Variants in EXOSC10 observed in about 807,000 individuals in gnomAD.
The protein encoded by EXOSC10 is exosome component 10.
Under a neutral mutation model 126.6 loss-of-function variants are expected in EXOSC10, and 94 were observed. The ratio of observed to expected loss-of-function variants is 0.74; its 90% CI spans 0.63 to 0.88. The LOEUF is 0.88. EXOSC10 is among the 40% of genes least tolerant of loss of function. EXOSC10 has a pLI of 0.00. For missense variants in EXOSC10, 1,041 were observed against 1,100.5 expected, an observed-to-expected ratio of 0.95 and a Z score of 0.77; for synonymous variants, 395 against 400.8, an observed-to-expected ratio of 0.99 and a Z score of 0.17.
At chr1:11,088,001 C>G in intron 7 of EXOSC10, 91 bp from the exon 8 acceptor site, 3 of 1,240,602 alleles carry the variant, frequency 2.4e-6, no homozygotes, top group Non-Finnish European at 3.5e-6. Flanking sequence ...AGAAATGACC[C>G]AAAACTGTAA....
At chr1:11,072,534 A>C in intron 19 of EXOSC10, 1 of 185,192 alleles carries the variant, frequency 5.4e-6, no homozygotes, top group East Asian at 1.5e-4. Context: ...AAGCAGACTC[A>C]AGGCTGGGCT....
chr1:11,090,888 CTGGGCTCCCTTTGAACAAAGGAGGG>C (rs537016854), intron 5 of EXOSC10, 101 bp downstream of exon 5: 43,288 of 1,119,078 alleles, frequency 0.039, 856 homozygotes, highest in Non-Finnish European at 0.048. Context: ...AATAGCTGAA[CTGGGCTCCCTTTGAACAAAGGAGGG>C]TGGGCTCCCT....
At position 11,085,265 on chromosome 1, in the gene EXOSC10, G is replaced by C. The variant is rs558856688; in HGVS notation, c.1089+2183C>G. 9.0e-3 allele frequency among the ~76,000 whole-genome samples: 1,370 copies of C among 152,268 alleles called. 28 individuals carry two copies. Among genetic ancestry groups the C allele is most frequent in the African/African-American group, 0.031 (1,277 of 41,546 alleles). ...TTGATTCTTCCTACCCATGAGCATG[G>C]AATGTTCTTCCATTTGTTTGTATCC... On this transcript the variant is annotated intron_variant, in intron 9 of 24. Transcript: ENST00000376936.
In EXOSC10 at chr1:11,066,670, A is replaced by C; in HGVS notation, c.*48T>G. On this transcript the variant is annotated 3_prime_UTR_variant, in exon 25 of 25. Coordinates refer to ENST00000376936, the MANE Select transcript of EXOSC10 (RefSeq NM_001001998.3). ...AAAAATATGTATGTACAAAAGCAGC[A>C]CCAGCATTTGGTGCTTCCGGTCCAC... 6.2e-7 allele frequency: 1 copy of C among 1,604,136 alleles called. No homozygotes were observed. The highest frequency in any genetic ancestry group is 8.5e-7 in the Non-Finnish European group (1 of 1,170,804).
In EXOSC10 at chr1:11,069,691, C is replaced by T. The variant is rs952090050; in HGVS notation, c.2356G>A (p.Asp786Asn). Reference sequence around the variant, plus strand: ...TGTTTCTGTTCTGTGGTCCTTGGGTCGCTTGTTGCTCGCTCTCTCTTCTTT... The same window carrying T: ...TGTTTCTGTTCTGTGGTCCTTGGGTTGCTTGTTGCTCGCTCTCTCTTCTTT... ...AAKKRERATS[D>N]PRTTEQKQEK... The change falls in exon 22 of 25, where the codon GAC becomes AAC. Residue 786 changes from aspartate (D) to asparagine (N), a missense_variant. Transcript: ENST00000376936. 10 of 1,611,708 alleles carry T rather than the reference C, an allele frequency of 6.2e-6. No homozygotes were observed. The highest frequency in any genetic ancestry group is 2.2e-5 in the East Asian group (1 of 44,768).
rs112296692 is a variant in EXOSC10, at chr1:11,089,257, T to C, written c.759-1059A>G. On this transcript the variant is annotated intron_variant, in intron 6 of 24. Transcript: ENST00000376936. ...AAAAAAAAAAAAAGTGAGCCTTACC[T>C]ACTATTTGAATCCTAATAAGAAAGG... 9.9e-3 allele frequency among the ~76,000 whole-genome samples: 1,449 copies of C among 145,724 alleles called. 32 individuals are homozygous for C. The highest frequency in any genetic ancestry group is 0.035 in the African/African-American group (1,402 of 39,598).
At chr1:11,079,403 T>C (rs903401072) in intron 14 of EXOSC10, among the ~76,000 whole-genome samples, 3 of 149,416 alleles carry the variant, frequency 2.0e-5, no homozygotes, top group Admixed American at 1.3e-4. Flanking sequence ...AATCTTTTTT[T>C]TTTTTTTTGA....
chr1:11,071,319 C>A (rs181584903), intron 20 of EXOSC10: 16 of 290,974 alleles, frequency 5.5e-5, no homozygotes, highest in Admixed American at 4.3e-4. Context: ...TGGCTGCCAG[C>A]AACTCCAGCT....
At chr1:11,085,217 A>G (rs1046330339) in intron 9 of EXOSC10, among the ~76,000 whole-genome samples, 8 of 152,096 alleles carry the variant, frequency 5.3e-5, no homozygotes, top group African/African-American at 1.4e-4. Context: ...ATTACCTTGG[A>G]CAGTATGGCC....
chr1:11,078,776 G>A (rs926012392), intron 14 of EXOSC10, among the ~76,000 whole-genome samples: 6 of 152,082 alleles, frequency 3.9e-5, no homozygotes, highest in Non-Finnish European at 8.8e-5. Flanking sequence ...TGAGGTCACC[G>A]CTCCATCTCA....
Position 11,070,295 on chromosome 1 carries a change from G to A in EXOSC10, c.2317-565C>T, listed in dbSNP as rs1318072825. 2.0e-5 allele frequency among the ~76,000 whole-genome samples: 3 copies of A among 147,832 alleles called. No homozygotes were observed. In the South Asian group the frequency reaches 6.4e-4, roughly 32 times the overall value. On this transcript the variant is annotated intron_variant, in intron 21 of 24. Transcript: ENST00000376936. ...AAAAAAAAAAAAAAAAGGAAAGGCA[G>A]GGGGCAGGGGTTAAGAATTCGAGTG... is the stretch of plus-strand genomic sequence containing the variant.
chr1:11,087,405 C>A, intron 9 of EXOSC10, 43 bp downstream of exon 9: 1 of 1,610,872 alleles, frequency 6.2e-7, no homozygotes, highest in African/African-American at 1.3e-5. Flanking sequence ...CACTAAAAAT[C>A]TTGTATGAGC....
intron 1 of EXOSC10, 191 bp downstream of exon 1, chr1:11,099,530 G>A (rs372801850): frequency 2.2e-5 from 12 of 536,668 alleles, no homozygotes; most frequent in East Asian, 1.0e-4. Context: ...CAAGCGGGAC[G>A]CCCCTCAGTG....
rs1229443277 is a variant in EXOSC10 at position 11,088,865 on chromosome 1, G to C, written c.759-667C>G. Among the ~76,000 whole-genome samples, 3 of 152,158 alleles carry C rather than the reference G, an allele frequency of 2.0e-5. 1 individual carries two copies. The highest frequency in any genetic ancestry group is 7.2e-5 in the African/African-American group (3 of 41,410). On this transcript the variant is annotated intron_variant, in intron 6 of 24. Transcript: ENST00000376936. Reference sequence around the variant, plus strand: ...GGCAAAGTCCATTTGTCTATTTTAAGTGAAGTTTTTCCAAGATGCTTATAT... The same window carrying C: ...GGCAAAGTCCATTTGTCTATTTTAACTGAAGTTTTTCCAAGATGCTTATAT...
At chr1:11,074,612 C>T (rs1447360911) in intron 17 of EXOSC10, among the ~76,000 whole-genome samples, 2 of 152,114 alleles carry the variant, frequency 1.3e-5, no homozygotes, top group Non-Finnish European at 2.9e-5. Context: ...CAGGTTTCAC[C>T]ATATTGGCCA....
At position 11,099,735 on chromosome 1, in the gene EXOSC10, C is replaced by G; in HGVS notation, c.97G>C (p.Asp33His). ...CGCGAACTCACCTTCACAAAGCTGT[C>G]GGCGTCCGGGAAGCCTGGCAGCACC... Reference protein sequence around the residue: ...EMVLPGFPDADSFVKFALGSV... With the variant: ...EMVLPGFPDAHSFVKFALGSV... Residue 33 changes from aspartate to histidine, a missense_variant, in exon 1 of 25, where the codon GAC becomes CAC. Coordinates refer to ENST00000376936, the MANE Select transcript of EXOSC10 (RefSeq NM_001001998.3). 1 of 1,609,058 alleles carries G rather than the reference C, an allele frequency of 6.2e-7. No homozygotes were observed. The highest frequency in any genetic ancestry group is 1.7e-5 in the Admixed American group (1 of 59,408).
intron 9 of EXOSC10, among the ~76,000 whole-genome samples, chr1:11,086,808 A>T (rs966429485): frequency 6.6e-6 from 1 of 152,202 alleles, no homozygotes; most frequent in African/African-American, 2.4e-5. Context: ...TCTCTGGGAC[A>T]CATTCAAAGC....
At chr1:11,079,332 A>T (rs1640006895) in intron 14 of EXOSC10, among the ~76,000 whole-genome samples, 1 of 151,444 alleles carries the variant, frequency 6.6e-6, no homozygotes, top group Non-Finnish European at 1.5e-5. Flanking sequence ...CGTCTAAAAA[A>T]AACAAAAAAC....
At chr1:11,068,810 C>CTG in intron 22 of EXOSC10, 104 bp from the exon 23 acceptor site, 1 of 884,600 alleles carries the variant, frequency 1.1e-6, no homozygotes, top group Non-Finnish European at 1.9e-6. Context: ...GAAGCCTTGG[C>CTG]TGTGAGAGCA....
Sources: allele counts gnomAD v4.1 joint callset (sites outside exome capture counted in the v4.1 genomes callset), GRCh38; gene constraint gnomAD v4.1.1; transcripts MANE v1.5; gene names NCBI Gene and HGNC (gene_info 2026-07-23, HGNC 2026-07-21).